FGFR1: variants seen among roughly 807,000 people sequenced by gnomAD.
FGFR1 encodes FGFR1/PLAG1 fusion.
A neutral mutation model predicts 93.7 loss-of-function variants in FGFR1; 18 were observed. The observed-to-expected ratio is 0.19, with a 90% CI of 0.13 to 0.28. The LOEUF is 0.28. FGFR1 is among the 10% of genes least tolerant of loss of function. The pLI, the probability that FGFR1 is intolerant of heterozygous loss-of-function variation, is 1.00. For missense variants in FGFR1, 731 were observed against 1,080.4 expected, an observed-to-expected ratio of 0.68 and a Z score of 4.53; for synonymous variants, 448 against 429.3, an observed-to-expected ratio of 1.04 and a Z score of -0.54.
chr8:38,417,725 C>G (rs954626838), intron 11 of FGFR1, 145 bp downstream of exon 11: 3 of 1,128,552 alleles, frequency 2.7e-6, no homozygotes, highest in Non-Finnish European at 4.0e-6. Context: ...CAGAACACCC[C>G]CTCCACTCCC....
chr8:38,429,500 A>G lies in FGFR1; in HGVS notation c.358+182T>C. 2 of 752,048 alleles carry G rather than the reference A, an allele frequency of 2.7e-6. No homozygotes were observed. The highest frequency in any genetic ancestry group is 4.6e-6 in the Non-Finnish European group (2 of 438,082). 46.6% of individuals were successfully genotyped at this position (752,048 alleles called of 1,614,324 possible). On this transcript the variant is annotated intron_variant, in intron 3 of 17. Coordinates refer to ENST00000447712, the MANE Select transcript of FGFR1 (RefSeq NM_023110.3). The surrounding 1 kb of genome is among the most constrained non-coding windows in gnomAD (Gnocchi z 4.4). Reference sequence around the variant, plus strand: ...TCCGGCCCTGGGGCCCACCCCACCTAGTCACCTCTCTGAGAGCCAAGCCAC... The same window carrying G: ...TCCGGCCCTGGGGCCCACCCCACCTGGTCACCTCTCTGAGAGCCAAGCCAC...
intron 2 of FGFR1, among the ~76,000 whole-genome samples, chr8:38,451,919 TTATCATC>T (rs1831196723): frequency 6.6e-6 from 1 of 151,820 alleles, no homozygotes; most frequent in South Asian, 2.1e-4. Flanking sequence ...ATGTTGGGGC[TTATCATC>T]TGAAACCGGC....
intron 1 of FGFR1, chr8:38,465,973 GT>G: frequency 4.4e-6 from 1 of 229,156 alleles, no homozygotes. Flanking sequence ...CCAGAGAAGT[GT>G]TTTCAATTTG....
intron 14 of FGFR1, 26 bp downstream of exon 14, chr8:38,414,753 C>G (rs1815743635): frequency 1.9e-6 from 3 of 1,613,908 alleles, no homozygotes; most frequent in South Asian, 2.2e-5. Context: ...AAACCACCAG[C>G]ACAGGGCGGC....
At chr8:38,427,853 A>G (rs1821343854) in intron 5 of FGFR1, 68 bp downstream of exon 5, 1 of 1,555,892 alleles carries the variant, frequency 6.4e-7, no homozygotes, top group African/African-American at 1.4e-5. Context: ...AAAAGCATGT[A>G]ATCAGGACTT....
rs2150533406 is a variant in FGFR1 at position 38,414,214 on chromosome 8, T to G, written c.2124A>C (p.Glu708Asp). 1 of 1,614,124 alleles carries G rather than the reference T, an allele frequency of 6.2e-7. No individual in the cohort carries two copies. Among genetic ancestry groups the G allele is most frequent in the Non-Finnish European group, 8.5e-7 (1 of 1,180,002 alleles). ...GSPYPGVPVEELFKLLKEGHR... is the reference protein window; with the variant it reads ...GSPYPGVPVEDLFKLLKEGHR... Reference sequence around the variant, plus strand: ...GACCCTCCTTCAGCAGCTTGAAAAGTTCCTCCACAGGCACACCGGGGTATG... The same window carrying G: ...GACCCTCCTTCAGCAGCTTGAAAAGGTCCTCCACAGGCACACCGGGGTATG... The change falls in exon 16 of 18, where the codon GAA becomes GAC. Residue 708 changes from glutamate (E) to aspartate (D), a missense_variant. By Grantham distance (45) the Glu-to-Asp change is conservative. Around this residue, in one of 10 missense-constraint regions of FGFR1, gnomAD observed 35 missense variants for 78.0 expected, o/e 0.45. Transcript: ENST00000447712.
chr8:38,447,128 CACA>C (rs1829582969), intron 2 of FGFR1, among the ~76,000 whole-genome samples: 2 of 150,904 alleles, frequency 1.3e-5, no homozygotes, highest in Admixed American at 1.3e-4. Flanking sequence ...CACACACACA[CACA>C]CACACACACA....
Position 38,421,744 on chromosome 8 carries a change from C to G in FGFR1, c.1081+53G>C, listed in dbSNP as rs1471647466. The G allele has an allele frequency of 1.9e-6, 3 of 1,591,758 alleles. No homozygotes were observed. The African/African-American group carries it at 4.0e-5, about 21-fold the overall frequency. ...CCCCAAGCCTGGAAATGCATGCTCC[C>G]CCCGTGCCCGTGGCGAGGGCAGGAC... On this transcript the variant is annotated intron_variant, in intron 8 of 17. Coordinates refer to ENST00000447712, the MANE Select transcript of FGFR1 (RefSeq NM_023110.3).
chr8:38,445,637 C>G (rs7821775), intron 2 of FGFR1, among the ~76,000 whole-genome samples: 25 of 151,996 alleles, frequency 1.6e-4, no homozygotes, highest in African/African-American at 5.8e-4. Flanking sequence ...CTCCTGGATT[C>G]AAGTGCTTCT....
intron 2 of FGFR1, among the ~76,000 whole-genome samples, chr8:38,440,762 A>C (rs1168813391): frequency 1.3e-5 from 2 of 152,122 alleles, no homozygotes; most frequent in African/African-American, 4.8e-5. Flanking sequence ...GCCGGGGGAC[A>C]ATGGCAGACT....
Position 38,434,326 on chromosome 8 carries a change from CTGCT to C in FGFR1, c.92-4382_92-4379del, listed in dbSNP as rs201999919. On this transcript the variant is annotated intron_variant, in intron 2 of 17. Coordinates refer to ENST00000447712, the MANE Select transcript of FGFR1 (RefSeq NM_023110.3). ...CCGCTGCGCTCAACCCATATTGCTGCTGCTTTTTTTTTTTTTTTTTATAACAACC... is the reference window on the plus strand; with the variant it reads ...CCGCTGCGCTCAACCCATATTGCTGCTTTTTTTTTTTTTTTTATAACAACC... 3.0e-3 allele frequency: 546 copies of C among 185,004 alleles called. 13 individuals carry two copies. Among genetic ancestry groups the C allele is most frequent in the East Asian group, 7.5e-3 (53 of 7,056 alleles). 11.5% of individuals were successfully genotyped at this position (185,004 alleles called of 1,614,324 possible).
At chr8:38,450,811 T>C (rs1485795227) in intron 2 of FGFR1, among the ~76,000 whole-genome samples, 2 of 152,064 alleles carry the variant, frequency 1.3e-5, no homozygotes, top group African/African-American at 4.8e-5. Context: ...GAGTGGAAAA[T>C]CAGTGAAGCT....
intron 2 of FGFR1, among the ~76,000 whole-genome samples, chr8:38,450,844 C>T (rs946712383): frequency 2.0e-5 from 3 of 152,280 alleles, no homozygotes; most frequent in South Asian, 2.1e-4. Flanking sequence ...ATGCAGAAGC[C>T]GGAGCCAAGA....
chr8:38,421,683 G>A (rs1387359367), intron 8 of FGFR1, 114 bp downstream of exon 8: 3 of 1,117,688 alleles, frequency 2.7e-6, no homozygotes, highest in Non-Finnish European at 4.1e-6. Context: ...CAGGCAGGCA[G>A]GAGCCCATTC....
intron 2 of FGFR1, among the ~76,000 whole-genome samples, chr8:38,438,272 T>A (rs1287250654): frequency 1.3e-5 from 2 of 152,228 alleles, no homozygotes; most frequent in African/African-American, 4.8e-5. Flanking sequence ...CCCAGTGCAG[T>A]GGCTAATGCC....
intron 2 of FGFR1, among the ~76,000 whole-genome samples, chr8:38,444,556 A>AATTTTTT (rs1828699295): frequency 7.7e-6 from 1 of 129,234 alleles, no homozygotes; most frequent in Non-Finnish European, 1.6e-5. Context: ...GCGTGGCTAA[A>AATTTTTT]TTTTTTTTTT....
At chr8:38,449,048 G>A (rs1211466989) in intron 2 of FGFR1, among the ~76,000 whole-genome samples, 1 of 151,970 alleles carries the variant, frequency 6.6e-6, no homozygotes, top group African/African-American at 2.4e-5. Context: ...GCTGCAGTGA[G>A]CCATGATCAC....
chr8:38,439,640 C>T (rs1040585483), intron 2 of FGFR1, among the ~76,000 whole-genome samples: 1 of 152,182 alleles, frequency 6.6e-6, no homozygotes, highest in Non-Finnish European at 1.5e-5. Flanking sequence ...TCGGCCACTA[C>T]CCCAGTTCCA....
At chr8:38,440,429 G>T in intron 2 of FGFR1, 1 of 1,435,546 alleles carries the variant, frequency 7.0e-7, no homozygotes, top group Non-Finnish European at 9.4e-7. Context: ...AACTCTCGGA[G>T]TCCCCAAATA....
Sources: gnomAD v4.1 joint callset for allele counts (sites outside exome capture counted in the v4.1 genomes callset) on GRCh38, gnomAD v4.1.1 for gene constraint, gnomAD v4.1.1 regional missense constraint, Gnocchi (gnomAD v3.1) non-coding constraint, MANE v1.5 for transcripts, NCBI Gene and HGNC (gene_info 2026-07-23, HGNC 2026-07-21) for gene names.